EDIL3: variants seen among roughly 807,000 people sequenced by gnomAD.
The protein encoded by EDIL3 is EGF like and discoidin domains 3.
EDIL3 carries 37 observed loss-of-function variants against 67.4 expected under a neutral mutation model. The observed-to-expected ratio is 0.55, with a 90% CI of 0.42 to 0.72. The LOEUF is 0.72. EDIL3 is among the 30% of genes least tolerant of loss of function. The pLI, the probability that EDIL3 is intolerant of heterozygous loss-of-function variation, is 0.00. For synonymous variants in EDIL3, 195 were observed against 196.3 expected (o/e 0.99, Z 0.05); for missense variants, 527 against 586.3 (o/e 0.90, Z 1.04).
intron 1 of EDIL3, among the ~76,000 whole-genome samples, chr5:84,279,104 C>T (rs1561243569): frequency 6.6e-6 from 1 of 152,114 alleles, no homozygotes; most frequent in Non-Finnish European, 1.5e-5. Flanking sequence ...TCCTAGTGTA[C>T]AATAGGTATC....
intron 6 of EDIL3, among the ~76,000 whole-genome samples, chr5:84,072,795 C>T (rs975093758): frequency 2.4e-4 from 37 of 151,454 alleles, no homozygotes; most frequent in Non-Finnish European, 5.2e-4. Context: ...AACATAAGAA[C>T]AAGAATGAAG....
rs796194886 is a variant in EDIL3 at position 84,052,763 on chromosome 5, T to C, written c.1137+7537A>G. Among the ~76,000 whole-genome samples, 69 of 152,222 alleles carry C rather than the reference T, an allele frequency of 4.5e-4. No homozygotes were observed. In the South Asian group the frequency reaches 0.014, roughly 30 times the overall value. ...CAATTCAACAAGAAGAGCTAACTATTCTAAATATATATGCACCCAATACAG... is the reference window on the plus strand; with the variant it reads ...CAATTCAACAAGAAGAGCTAACTATCCTAAATATATATGCACCCAATACAG... On this transcript the variant is annotated intron_variant, in intron 9 of 10. Transcript: ENST00000296591.
chr5:84,295,816 G>A (rs1561248816), intron 1 of EDIL3, among the ~76,000 whole-genome samples: 1 of 152,088 alleles, frequency 6.6e-6, no homozygotes, highest in Non-Finnish European at 1.5e-5. Flanking sequence ...TTTAATGGAA[G>A]CATTTTGAAT....
chr5:84,088,878 C>T (rs889954481), intron 6 of EDIL3, among the ~76,000 whole-genome samples: 2 of 151,766 alleles, frequency 1.3e-5, no homozygotes, highest in Admixed American at 6.6e-5. Flanking sequence ...GCAAAAACAT[C>T]AAAAGCAAAT....
intron 3 of EDIL3, among the ~76,000 whole-genome samples, chr5:84,204,716 C>T (rs907527832): frequency 6.8e-6 from 1 of 146,304 alleles, no homozygotes; most frequent in Non-Finnish European, 1.5e-5. Flanking sequence ...GTTGAAGTAA[C>T]ATATTAGTGA....
At chr5:84,266,651 G>A (rs915135848) in intron 1 of EDIL3, among the ~76,000 whole-genome samples, 14 of 152,118 alleles carry the variant, frequency 9.2e-5, no homozygotes, top group African/African-American at 3.1e-4. Flanking sequence ...GAGTTTGGGA[G>A]GATAAAAAAG....
intron 2 of EDIL3, among the ~76,000 whole-genome samples, chr5:84,241,739 T>A (rs1279637386): frequency 6.6e-6 from 1 of 151,288 alleles, no homozygotes; most frequent in African/African-American, 2.4e-5. Context: ...TTATTGGACA[T>A]TTCAATAATT....
At chr5:84,277,259 C>G (rs1459493849) in intron 1 of EDIL3, among the ~76,000 whole-genome samples, 1 of 151,924 alleles carries the variant, frequency 6.6e-6, no homozygotes, top group Non-Finnish European at 1.5e-5. Flanking sequence ...TAACAGAGAC[C>G]CCAGAAACTT....
At chr5:84,085,917 G>T (rs887527866) in intron 6 of EDIL3, among the ~76,000 whole-genome samples, 1 of 152,204 alleles carries the variant, frequency 6.6e-6, no homozygotes, top group Non-Finnish European at 1.5e-5. Flanking sequence ...TAGAAAAACA[G>T]TCTGGCCACA....
intron 2 of EDIL3, among the ~76,000 whole-genome samples, chr5:84,253,521 T>A (rs543709504): frequency 5.8e-4 from 88 of 152,284 alleles, no homozygotes; most frequent in African/African-American, 1.7e-3. Flanking sequence ...GCAGATTTTT[T>A]AAAAAACTAT....
chr5:84,173,411 T>C lies in EDIL3; in HGVS notation c.355+6982A>G, dbSNP rs908759517. ...CCAGACAAAATGGAGACCCTGGCTT[T>C]TCAGGTAGCCTGTATGAAGAGTCAC... On this transcript the variant is annotated intron_variant, in intron 4 of 10. Transcript: ENST00000296591. Among the ~76,000 whole-genome samples, 14 of 152,110 alleles carry C rather than the reference T, an allele frequency of 9.2e-5. 1 individual carries two copies. Among genetic ancestry groups the C allele is most frequent in the Admixed American group, 4.6e-4 (7 of 15,276 alleles).
intron 8 of EDIL3, among the ~76,000 whole-genome samples, chr5:84,061,963 C>T (rs1418359802): frequency 6.6e-6 from 1 of 152,030 alleles, no homozygotes; most frequent in African/African-American, 2.4e-5. Context: ...TGCCTTCTGT[C>T]CTGGTCTATC....
At chr5:84,143,810 A>G (rs1382840476) in intron 4 of EDIL3, among the ~76,000 whole-genome samples, 2 of 152,058 alleles carry the variant, frequency 1.3e-5, no homozygotes, top group Non-Finnish European at 2.9e-5. Context: ...ACATTTTCAC[A>G]AAAGAGCAAA....
At position 84,297,240 on chromosome 5, in the gene EDIL3, T is replaced by C. The variant is rs190516945; in HGVS notation, c.68-43028A>G. ...GGTAGAGGACATAAACAGACACTTTTCTAAAGAGGACATATATGCGACCAA... is the reference window on the plus strand; with the variant it reads ...GGTAGAGGACATAAACAGACACTTTCCTAAAGAGGACATATATGCGACCAA... On this transcript the variant is annotated intron_variant, in intron 1 of 10. Transcript: ENST00000296591. 1.9e-3 allele frequency among the ~76,000 whole-genome samples: 280 copies of C among 150,716 alleles called. 1 individual carries two copies. Among genetic ancestry groups the C allele is most frequent in the African/African-American group, 6.3e-3 (260 of 41,102 alleles).
In EDIL3 at chr5:83,943,913, C is replaced by T. The variant is rs533120835; in HGVS notation, c.1294-345G>A. On this transcript the variant is annotated intron_variant, in intron 10 of 10. Coordinates refer to ENST00000296591, the MANE Select transcript of EDIL3 (RefSeq NM_005711.5). Reference sequence around the variant, plus strand: ...AGCTTGCTGAAGATGCTCTCTTCCACGGGGTGACTCAGAGATCCAAGCTGC... The same window carrying T: ...AGCTTGCTGAAGATGCTCTCTTCCATGGGGTGACTCAGAGATCCAAGCTGC... Among the ~76,000 whole-genome samples, 503 of 152,070 alleles carry T rather than the reference C, an allele frequency of 3.3e-3. 3 individuals carry two copies. Among genetic ancestry groups the T allele is most frequent in the Non-Finnish European group, 5.6e-3 (380 of 67,966 alleles).
intron 4 of EDIL3, among the ~76,000 whole-genome samples, chr5:84,156,634 G>T (rs1412247602): frequency 6.6e-6 from 1 of 152,150 alleles, no homozygotes; most frequent in Non-Finnish European, 1.5e-5. Context: ...AAGTTTAAAT[G>T]TTGCTAATGA....
intron 1 of EDIL3, among the ~76,000 whole-genome samples, chr5:84,381,375 T>C (rs305658): frequency 0.011 from 1,658 of 152,296 alleles, 35 homozygotes; most frequent in African/African-American, 0.038. Context: ...ATGTTTTACC[T>C]TGACTCTGAA....
chr5:84,175,717 C>T (rs1183447034), intron 4 of EDIL3, among the ~76,000 whole-genome samples: 2 of 152,098 alleles, frequency 1.3e-5, no homozygotes, highest in Non-Finnish European at 2.9e-5. Context: ...AACCAGAATT[C>T]CTCCCCTCAC....
intron 9 of EDIL3, among the ~76,000 whole-genome samples, chr5:83,991,418 T>A (rs909141341): frequency 1.1e-4 from 17 of 152,168 alleles, no homozygotes; most frequent in African/African-American, 4.1e-4. Flanking sequence ...TTCTGCCTCA[T>A]CGATTCACCA....
Sources: gnomAD v4.1 joint callset for allele counts (sites outside exome capture counted in the v4.1 genomes callset) on GRCh38, gnomAD v4.1.1 for gene constraint, MANE v1.5 for transcripts, NCBI Gene and HGNC (gene_info 2026-07-23, HGNC 2026-07-21) for gene names.